The following TPO variants were observed in gnomAD, a reference collection of about 807,000 sequenced individuals.
TPO encodes the protein thyroid peroxidase.
A neutral mutation model predicts 96.9 loss-of-function variants in TPO; 78 were observed. The observed-to-expected ratio is 0.81, with a 90% CI of 0.67 to 0.97. The LOEUF is 0.97. Ranked by LOEUF, TPO falls within the 50% of genes least tolerant of loss-of-function variation. The pLI is 0.00. For missense variants in TPO, 1,252 were observed against 1,274.8 expected (o/e 0.98, Z 0.27); for synonymous variants, 547 against 538.0 (o/e 1.02, Z -0.23).
intron 1 of TPO, among the ~76,000 whole-genome samples, chr2:1,376,533 G>A (rs936520047): frequency 2.6e-5 from 4 of 152,122 alleles, no homozygotes; most frequent in Non-Finnish European, 5.9e-5. Flanking sequence ...CGGGGCATTC[G>A]CGGGAGCACC....
intron 5 of TPO, among the ~76,000 whole-genome samples, chr2:1,440,528 C>T (rs1331488047): frequency 6.6e-6 from 1 of 152,156 alleles, no homozygotes; most frequent in African/African-American, 2.4e-5. Flanking sequence ...GCAGGAGCTA[C>T]CTTGTTGAAA....
chr2:1,526,082 C>A (rs1182814286), intron 15 of TPO, among the ~76,000 whole-genome samples: 2 of 121,176 alleles, frequency 1.7e-5, no homozygotes, highest in Non-Finnish European at 3.4e-5. Flanking sequence ...CTCCCCAAAT[C>A]CTCCCACTGT....
At chr2:1,424,770 G>A (rs890448776) in intron 3 of TPO, among the ~76,000 whole-genome samples, 2 of 152,176 alleles carry the variant, frequency 1.3e-5, no homozygotes, top group African/African-American at 4.8e-5. Context: ...AGATGAGTTC[G>A]ATCATTTCAT....
intron 8 of TPO, among the ~76,000 whole-genome samples, chr2:1,483,972 T>TAG (rs1670879019): frequency 6.6e-6 from 1 of 152,252 alleles, no homozygotes; most frequent in Non-Finnish European, 1.5e-5. Flanking sequence ...GAATTATTCC[T>TAG]ATTATGCTTC....
At chr2:1,532,825 A>C (rs1332992743) in intron 15 of TPO, among the ~76,000 whole-genome samples, 2 of 34,044 alleles carry the variant, frequency 5.9e-5, no homozygotes, top group African/African-American at 1.9e-4. Context: ...AAATCCCCCC[A>C]CTCTGCACAA....
intron 15 of TPO, among the ~76,000 whole-genome samples, chr2:1,529,744 A>T (rs947254856): frequency 2.6e-4 from 8 of 31,006 alleles, no homozygotes; most frequent in Non-Finnish European, 4.4e-4. Context: ...CAATCTCCTC[A>T]AATCCCCCCA....
At position 1,496,807 on chromosome 2, in the gene TPO, T is replaced by G. The variant is rs750182322; in HGVS notation, c.2386+42T>G. The G allele has an allele frequency of 2.5e-6, 4 of 1,613,632 alleles. No homozygotes were observed. In the South Asian group the frequency reaches 4.4e-5, roughly 18 times the overall value. ...ATGACAATTACAAAACATCTGAATG[T>G]TTCCGATATAAGTTAACAATGCAAT... is the stretch of plus-strand genomic sequence containing the variant. On this transcript the variant is annotated intron_variant, in intron 13 of 16. Coordinates refer to ENST00000329066, the MANE Select transcript of TPO (RefSeq NM_001206744.2).
rs192405163 is a variant in TPO, at chr2:1,462,223, G to A, written c.819+5941G>A. Among the ~76,000 whole-genome samples the A allele has an allele frequency of 3.4e-3, 518 of 152,182 alleles. 3 individuals carry two copies. The highest frequency in any genetic ancestry group is 5.6e-3 in the Non-Finnish European group (383 of 67,988). Reference sequence around the variant, plus strand: ...GGGGCAGGTGCTGCGGGCAGCAGGCGGGGAGGGGCTGGACCATCTCAGGCG... The same window carrying A: ...GGGGCAGGTGCTGCGGGCAGCAGGCAGGGAGGGGCTGGACCATCTCAGGCG... On this transcript the variant is annotated intron_variant, in intron 7 of 16. Coordinates refer to ENST00000329066, the MANE Select transcript of TPO (RefSeq NM_001206744.2).
intron 3 of TPO, among the ~76,000 whole-genome samples, chr2:1,430,540 G>A (rs909093554): frequency 6.6e-6 from 1 of 152,186 alleles, no homozygotes; most frequent in Admixed American, 6.5e-5. Flanking sequence ...GTGGGAAGGG[G>A]GCCATCGCCC....
intron 14 of TPO, among the ~76,000 whole-genome samples, chr2:1,505,932 T>C (rs1037361875): frequency 1.3e-5 from 2 of 151,666 alleles, no homozygotes; most frequent in African/African-American, 4.8e-5. Context: ...TACATATGTA[T>C]ACATGTGCCA....
Position 1,540,586 on chromosome 2 carries a change from T to C in TPO, c.2619-8T>C. 1 of 1,613,030 alleles carries C rather than the reference T, an allele frequency of 6.2e-7. No individual in the cohort carries two copies. Among genetic ancestry groups the C allele is most frequent in the South Asian group, 1.1e-5 (1 of 91,046 alleles). ...CTCTCCCGATAACTGGACACGTGTC[T>C]CCCACAGGACACGCACTGGCACTAA... On this transcript the variant is annotated splice_region_variant and splice_polypyrimidine_tract_variant and intron_variant, in intron 15 of 16. Transcript: ENST00000329066.
chr2:1,448,038 C>T (rs142288452), intron 5 of TPO, among the ~76,000 whole-genome samples: 6 of 152,300 alleles, frequency 3.9e-5, no homozygotes, highest in African/African-American at 1.2e-4. Flanking sequence ...GGATTCTGTA[C>T]AGCAGGAAGA....
chr2:1,439,061 G>A, intron 5 of TPO: 2 of 527,684 alleles, frequency 3.8e-6, no homozygotes, highest in South Asian at 3.0e-5. Context: ...AAAATGTATT[G>A]TGCCTAAGTT....
At chr2:1,376,683 A>G (rs1275166368) in intron 1 of TPO, among the ~76,000 whole-genome samples, 1 of 152,188 alleles carries the variant, frequency 6.6e-6, no homozygotes, top group Non-Finnish European at 1.5e-5. Context: ...TCCCAGACCC[A>G]TGACCGAGCA....
chr2:1,381,777 T>C (rs1661814525), intron 1 of TPO, among the ~76,000 whole-genome samples: 1 of 152,158 alleles, frequency 6.6e-6, no homozygotes, highest in Non-Finnish European at 1.5e-5. Context: ...CACATCCTTT[T>C]AGGAGCTACA....
chr2:1,513,105 C>T (rs540765886), intron 14 of TPO, among the ~76,000 whole-genome samples: 4 of 152,218 alleles, frequency 2.6e-5, no homozygotes, highest in Non-Finnish European at 5.9e-5. Flanking sequence ...CCAGCAGGAC[C>T]CAGCACTGTC....
At position 1,484,819 on chromosome 2, in the gene TPO, A is replaced by ATGT; in HGVS notation, c.1562_1563insTGT (p.Gln521delinsHisVal). The ATGT allele has an allele frequency of 1.2e-6, 2 of 1,614,022 alleles. No individual in the cohort carries two copies. The highest frequency in any genetic ancestry group is 1.7e-6 in the Non-Finnish European group (2 of 1,180,038). ...GACCTGCCCGGGCTGTGGCTGCACC[A>ATGT]GGCTTTCTTCAGCCCATGGACATTA... On this transcript the variant is annotated protein_altering_variant, in exon 9 of 17. Coordinates refer to ENST00000329066, the MANE Select transcript of TPO (RefSeq NM_001206744.2).
chr2:1,415,545 C>T (rs897413216), intron 2 of TPO, among the ~76,000 whole-genome samples: 9 of 146,790 alleles, frequency 6.1e-5, no homozygotes, highest in East Asian at 2.1e-4. Flanking sequence ...GACACCTTGC[C>T]GGGCAGGTCC....
intron 14 of TPO, chr2:1,512,251 G>A (rs1209957906): frequency 7.0e-6 from 2 of 284,990 alleles, no homozygotes; most frequent in South Asian, 1.3e-4. Context: ...TGTTAGCCAG[G>A]ATGTATTTCC....
Sources: allele counts gnomAD v4.1 joint callset (sites outside exome capture counted in the v4.1 genomes callset), GRCh38; gene constraint gnomAD v4.1.1; transcripts MANE v1.5; gene names NCBI Gene and HGNC (gene_info 2026-07-23, HGNC 2026-07-21).